TYW1: variants seen among roughly 807,000 people sequenced by gnomAD.
The protein encoded by TYW1 is S-adenosyl-L-methionine-dependent tRNA 4-demethylwyosine synthase TYW1.
A neutral mutation model predicts 96.2 loss-of-function variants in TYW1; 46 were observed. That is an observed-to-expected ratio of 0.48 (90% CI 0.38 to 0.61). The LOEUF (loss-of-function observed/expected upper bound fraction) is 0.61, where lower values mean the gene tolerates loss of function less well. Ranked by LOEUF, TYW1 falls within the 20% of genes least tolerant of loss-of-function variation. The probability of loss-of-function intolerance (pLI) is 0.00; values close to 1 mark genes in which losing one functional copy is unlikely to be tolerated. For synonymous variants in TYW1, 274 were observed against 323.0 expected, an observed-to-expected ratio of 0.85 and a Z score of 1.63; for missense variants, 684 against 909.6, an observed-to-expected ratio of 0.75 and a Z score of 3.19.
At chr7:67,042,291 C>T (rs1469708827) in intron 7 of TYW1, among the ~76,000 whole-genome samples, 1 of 151,652 alleles carries the variant, frequency 6.6e-6, no homozygotes, top group Non-Finnish European at 1.5e-5. Context: ...TTTGGTCCTA[C>T]CAAAACACCA....
At chr7:67,063,704 C>T (rs1489539746) in intron 9 of TYW1, among the ~76,000 whole-genome samples, 5 of 151,982 alleles carry the variant, frequency 3.3e-5, no homozygotes, top group Admixed American at 6.6e-5. Context: ...TCCAGGTTCC[C>T]GTCATTCTCC....
At chr7:67,220,319 T>A (rs1801347251) in intron 15 of TYW1, among the ~76,000 whole-genome samples, 1 of 147,968 alleles carries the variant, frequency 6.8e-6, no homozygotes, top group South Asian at 2.2e-4. Flanking sequence ...TTCTCCTGCC[T>A]CAGCCTCCCG....
At chr7:67,130,962 C>A (rs1369681724) in intron 13 of TYW1, among the ~76,000 whole-genome samples, 1 of 152,118 alleles carries the variant, frequency 6.6e-6, no homozygotes, top group Non-Finnish European at 1.5e-5. Context: ...GTGTGTTATG[C>A]CTTTTTGTTC....
At chr7:67,230,080 G>A (rs1801698807) in intron 15 of TYW1, among the ~76,000 whole-genome samples, 1 of 149,856 alleles carries the variant, frequency 6.7e-6, no homozygotes, top group South Asian at 2.1e-4. Context: ...AATGGCCACG[G>A]TCTCTTTAAC....
chr7:67,068,922 T>A (rs1453196615), intron 10 of TYW1, among the ~76,000 whole-genome samples: 1 of 152,214 alleles, frequency 6.6e-6, no homozygotes, highest in Non-Finnish European at 1.5e-5. Flanking sequence ...TCTCTTTTTC[T>A]CAAACCCACT....
chr7:67,216,763 GC>G lies in TYW1; in HGVS notation c.1977+21429del, dbSNP rs200914578. Among the ~76,000 whole-genome samples the G allele has an allele frequency of 4.7e-5, 7 of 149,610 alleles. No homozygotes were observed. The East Asian group carries it at 7.8e-4, about 17-fold the overall frequency. On this transcript the variant is annotated intron_variant, in intron 15 of 15. Coordinates refer to ENST00000359626, the MANE Select transcript of TYW1 (RefSeq NM_018264.4). ...ACTTTAGCTGCATCCCACAAATTTT[GC>G]CCTATAGAACTTTTCTTGTCATTGA... is the stretch of plus-strand genomic sequence containing the variant.
intron 13 of TYW1, among the ~76,000 whole-genome samples, chr7:67,150,369 A>G (rs891178559): frequency 5.3e-5 from 8 of 152,124 alleles, no homozygotes; most frequent in Non-Finnish European, 7.4e-5. Flanking sequence ...ACAAAACCCA[A>G]AACAAAAAAA....
intron 13 of TYW1, among the ~76,000 whole-genome samples, chr7:67,130,605 A>AGT (rs1328807283): frequency 6.6e-6 from 1 of 151,990 alleles, no homozygotes; most frequent in Non-Finnish European, 1.5e-5. Context: ...TAGAGCTTGC[A>AGT]GTGAGTGGGG....
chr7:67,185,390 G>A (rs1013940651), intron 14 of TYW1, among the ~76,000 whole-genome samples: 2 of 151,822 alleles, frequency 1.3e-5, no homozygotes, highest in African/African-American at 4.8e-5. Context: ...GTTAGTCCAA[G>A]CAAGAGATGG....
At position 67,016,527 on chromosome 7, in the gene TYW1, AC is replaced by A. The variant is rs1794028665; in HGVS notation, c.571-1325del. ...GTGCCATTGCACTCCAGCCTTGGTA[AC>A]AAGAGTGAAACTCTGTCTCAAAAAA... On this transcript the variant is annotated intron_variant, in intron 5 of 15. Transcript: ENST00000359626. Among the ~76,000 whole-genome samples the A allele has an allele frequency of 2.0e-5, 3 of 151,988 alleles. No homozygotes were observed. The East Asian group carries it at 5.8e-4, about 30-fold the overall frequency.
chr7:67,153,920 A>ACT (rs1798882276), intron 13 of TYW1, among the ~76,000 whole-genome samples: 1 of 133,452 alleles, frequency 7.5e-6, no homozygotes. Flanking sequence ...CATTTTAACG[A>ACT]CTTTCTTTTT....
At chr7:67,082,993 C>T (rs533246783) in intron 10 of TYW1, among the ~76,000 whole-genome samples, 1 of 152,082 alleles carries the variant, frequency 6.6e-6, no homozygotes, top group East Asian at 1.9e-4. Flanking sequence ...TGTCCTTTCC[C>T]CAGGCCTGCA....
intron 14 of TYW1, among the ~76,000 whole-genome samples, chr7:67,184,025 C>T (rs144977431): frequency 0.038 from 5,820 of 152,050 alleles, 340 homozygotes; most frequent in African/African-American, 0.13. Context: ...CACTGTTTTG[C>T]CCAGGCTGGT....
In TYW1 at chr7:67,173,522, T is replaced by C. The variant is rs917398678; in HGVS notation, c.1699-9604T>C. ...CATCAATCAAGTGGCACACAACATC[T>C]GGTTGTTAAGATTGATTAGTAGATT... On this transcript the variant is annotated intron_variant, in intron 13 of 15. Coordinates refer to ENST00000359626, the MANE Select transcript of TYW1 (RefSeq NM_018264.4). 4.6e-5 allele frequency among the ~76,000 whole-genome samples: 7 copies of C among 152,334 alleles called. No individual in the cohort carries two copies. The South Asian group carries it at 8.3e-4, about 18-fold the overall frequency.
intron 7 of TYW1, among the ~76,000 whole-genome samples, chr7:67,032,102 A>T (rs1258250618): frequency 6.6e-6 from 1 of 152,066 alleles, no homozygotes; most frequent in South Asian, 2.1e-4. Context: ...ATTAAAAGAG[A>T]CGATGAGAAA....
At chr7:67,206,841 T>C (rs1800817837) in intron 15 of TYW1, among the ~76,000 whole-genome samples, 1 of 152,156 alleles carries the variant, frequency 6.6e-6, no homozygotes. Flanking sequence ...GCTTATTGTT[T>C]CTCTACATTT....
chr7:67,217,312 A>G (rs1467149229), intron 15 of TYW1, among the ~76,000 whole-genome samples: 2 of 152,132 alleles, frequency 1.3e-5, no homozygotes, highest in Non-Finnish European at 2.9e-5. Flanking sequence ...CCTATTCTCT[A>G]TACCCACGAA....
intron 13 of TYW1, among the ~76,000 whole-genome samples, chr7:67,181,466 T>C (rs1799839929): frequency 6.6e-6 from 1 of 152,198 alleles, no homozygotes; most frequent in South Asian, 2.1e-4. Context: ...ATTTCTGGTG[T>C]GGCTGCCTAA....
chr7:66,997,050 C>T (rs1458604121), intron 1 of TYW1, 68 bp downstream of exon 1: 7 of 1,606,442 alleles, frequency 4.4e-6, no homozygotes, highest in Admixed American at 1.7e-5. Flanking sequence ...GAGACCCTCT[C>T]CGGGCGGAGT....
Sources: allele counts gnomAD v4.1 joint callset (sites outside exome capture counted in the v4.1 genomes callset), GRCh38; gene constraint gnomAD v4.1.1; transcripts MANE v1.5; gene names NCBI Gene and HGNC (gene_info 2026-07-23, HGNC 2026-07-21).